The following DLG1 variants were observed in gnomAD, a reference collection of about 807,000 sequenced individuals.
DLG1 encodes the protein discs large MAGUK scaffold protein 1.
Under a neutral mutation model 123.4 loss-of-function variants are expected in DLG1, and 42 were observed. That is an observed-to-expected ratio of 0.34 (90% CI 0.27 to 0.44). The LOEUF (loss-of-function observed/expected upper bound fraction) is 0.44, where lower values mean the gene tolerates loss of function less well. DLG1 is among the 20% of genes least tolerant of loss of function. DLG1 has a pLI of 1.00. For missense variants in DLG1, 942 were observed against 1,082.6 expected (o/e 0.87, Z 1.82); for synonymous variants, 317 against 356.2 (o/e 0.89, Z 1.24).
Position 197,066,732 on chromosome 3 carries a change from T to C in DLG1, c.2070A>G (p.Leu690=), listed in dbSNP as rs762443579. The change falls in exon 20 of 25, where the codon TTA becomes TTG. Residue 690 remains leucine, a synonymous_variant. Coordinates refer to ENST00000667157, the MANE Select transcript of DLG1 (RefSeq NM_001366207.1). ...SSYRGQEEYV[L]SYEPVNQQEV... Reference sequence around the variant, plus strand: ...CTTGTTGATTCACTGGTTCATAAGATAAGACGTATTCTTCTTGACCACCTA... The same window carrying C: ...CTTGTTGATTCACTGGTTCATAAGACAAGACGTATTCTTCTTGACCACCTA... The C allele has an allele frequency of 2.1e-5, 33 of 1,605,258 alleles. No homozygotes were observed. The highest frequency in any genetic ancestry group is 5.5e-5 in the South Asian group (5 of 90,202).
chr3:197,061,878 C>T (rs1460598030), intron 22 of DLG1, among the ~76,000 whole-genome samples: 2 of 152,252 alleles, frequency 1.3e-5, no homozygotes, highest in Middle Eastern at 3.4e-3. Context: ...ACCTTTGTAA[C>T]TGATAAGTAT....
chr3:197,071,403 CTTTTTT>C (rs34629433), intron 18 of DLG1, among the ~76,000 whole-genome samples: 26 of 131,734 alleles, frequency 2.0e-4, no homozygotes, highest in African/African-American at 7.0e-4. Flanking sequence ...TCTTCACTGT[CTTTTTT>C]TTTTTTTTTT....
chr3:197,112,092 G>A (rs1298675292), intron 13 of DLG1, among the ~76,000 whole-genome samples: 8 of 152,150 alleles, frequency 5.3e-5, no homozygotes, highest in African/African-American at 1.2e-4. Context: ...CCATTTACAC[G>A]TCCACTAGTA....
In DLG1 at chr3:197,127,910, A is replaced by T. The variant is rs1780607921; in HGVS notation, c.1165+2617T>A. 4.4e-5 allele frequency among the ~76,000 whole-genome samples: 3 copies of T among 68,244 alleles called. No individual in the cohort carries two copies. The South Asian group carries it at 1.7e-3, about 38-fold the overall frequency. The allele number at this position is 68,244 out of a possible 152,430, so 44.8% of individuals were successfully genotyped here. A position where few individuals can be genotyped will look rare whatever the true frequency, so the allele number is the denominator to read the frequency against. ...ACAGGCCTTAATTTAAAAATACTTTATTGCTAAAAAAAAACCGCTAGCAAT... is the reference window on the plus strand; with the variant it reads ...ACAGGCCTTAATTTAAAAATACTTTTTTGCTAAAAAAAAACCGCTAGCAAT... On this transcript the variant is annotated intron_variant, in intron 11 of 24. Transcript: ENST00000667157.
intron 3 of DLG1, among the ~76,000 whole-genome samples, chr3:197,294,762 T>C (rs868480111): frequency 4.0e-5 from 6 of 151,074 alleles, no homozygotes; most frequent in South Asian, 2.1e-4. Context: ...AGGTCAAAAA[T>C]GTCTCTGAAC....
At position 197,130,578 on chromosome 3, in the gene DLG1, G is replaced by T. The variant is rs891630940; in HGVS notation, c.1114C>A (p.Pro372Thr). Residue 372 changes from proline to threonine, a missense_variant, in exon 11 of 25, where the codon CCC becomes ACC. Pro to Thr is a conservative substitution (Grantham distance 38). Transcript: ENST00000667157. The part of the protein sequence containing the change: ...SDFVYLKVAK[P>T]TSMYMNDGYA... ...CCATCATTCATATACATACTTGTGGGTTTTGCCACTTTCAAATAAACAAAA... is the reference window on the plus strand; with the variant it reads ...CCATCATTCATATACATACTTGTGGTTTTTGCCACTTTCAAATAAACAAAA... 14 of 1,612,776 alleles carry T rather than the reference G, an allele frequency of 8.7e-6. No individual in the cohort carries two copies. Among genetic ancestry groups the T allele is most frequent in the Non-Finnish European group, 1.1e-5 (13 of 1,179,576 alleles).
rs12497108 is a variant in DLG1, at chr3:197,130,307, C to T, written c.1165+220G>A. ...TTTGAAAATCCTTTAAATGTAACTA[C>T]TACTATAAAATAATAAAGGTGAAAA... On this transcript the variant is annotated intron_variant, in intron 11 of 24. Coordinates refer to ENST00000667157, the MANE Select transcript of DLG1 (RefSeq NM_001366207.1). 0.32 allele frequency among the ~76,000 whole-genome samples: 49,053 copies of T among 151,912 alleles called. 8,296 individuals carry two copies. The highest frequency in any genetic ancestry group is 0.43 in the South Asian group (2,058 of 4,820).
intron 14 of DLG1, among the ~76,000 whole-genome samples, chr3:197,093,289 GC>G (rs1184338676): frequency 1.3e-5 from 2 of 152,120 alleles, no homozygotes; most frequent in African/African-American, 4.8e-5. Flanking sequence ...CTCCCAAGGA[GC>G]TGGGACTATA....
chr3:197,158,683 T>C (rs1797525056), intron 5 of DLG1, among the ~76,000 whole-genome samples: 1 of 73,226 alleles, frequency 1.4e-5, no homozygotes, highest in African/African-American at 4.8e-5. Context: ...GATGCTCTGC[T>C]CTGGACATAC....
intron 4 of DLG1, among the ~76,000 whole-genome samples, chr3:197,216,494 C>A (rs888445057): frequency 2.0e-5 from 3 of 152,150 alleles, no homozygotes; most frequent in Non-Finnish European, 4.4e-5. Flanking sequence ...AGAATCCTCT[C>A]CCAATGGAGT....
At chr3:197,262,603 T>A (rs1407092304) in intron 4 of DLG1, among the ~76,000 whole-genome samples, 1 of 152,212 alleles carries the variant, frequency 6.6e-6, no homozygotes, top group East Asian at 1.9e-4. Context: ...GGCAGTCTTG[T>A]GGGGCTGAGC....
In DLG1 at chr3:197,254,748, A is replaced by G. The variant is rs145218157; in HGVS notation, c.318+27931T>C. Among the ~76,000 whole-genome samples the G allele has an allele frequency of 2.2e-4, 33 of 152,332 alleles. No individual in the cohort carries two copies. The East Asian group carries it at 6.4e-3, about 29-fold the overall frequency. Reference sequence around the variant, plus strand: ...GTTAAAAATACAATAAATGAAATTAAGAAATCTATGACCTATTCAAAGGCT... The same window carrying G: ...GTTAAAAATACAATAAATGAAATTAGGAAATCTATGACCTATTCAAAGGCT... On this transcript the variant is annotated intron_variant, in intron 4 of 24. Transcript: ENST00000667157.
At chr3:197,232,289 C>T (rs1468947795) in intron 4 of DLG1, among the ~76,000 whole-genome samples, 1 of 147,212 alleles carries the variant, frequency 6.8e-6, no homozygotes, top group Non-Finnish European at 1.5e-5. Context: ...CAACTGAGCA[C>T]AGGAGTTCTG....
intron 4 of DLG1, among the ~76,000 whole-genome samples, chr3:197,229,916 A>T (rs1742011812): frequency 6.6e-6 from 1 of 152,246 alleles, no homozygotes; most frequent in Non-Finnish European, 1.5e-5. Flanking sequence ...TAAATGAGAG[A>T]AACTCAAGGC....
At chr3:197,112,547 A>T (rs1320165264) in intron 13 of DLG1, among the ~76,000 whole-genome samples, 2 of 152,044 alleles carry the variant, frequency 1.3e-5, no homozygotes, top group East Asian at 3.8e-4. Context: ...GTATGTGCTG[A>T]GAATATTTTT....
At chr3:197,051,809 G>A (rs1727930988) in intron 23 of DLG1, 141 bp from the exon 24 acceptor site, 1 of 507,490 alleles carries the variant, frequency 2.0e-6, no homozygotes, top group Non-Finnish European at 3.4e-6. Context: ...TTAAAAACTT[G>A]AGTCATTCTG....
intron 11 of DLG1, among the ~76,000 whole-genome samples, chr3:197,123,037 TAAAAG>T (rs1292127084): frequency 6.6e-5 from 10 of 152,120 alleles, no homozygotes; most frequent in South Asian, 2.1e-4. Flanking sequence ...TGTGGTCACT[TAAAAG>T]AAAAGCACCA....
intron 4 of DLG1, among the ~76,000 whole-genome samples, chr3:197,262,672 A>G (rs912485973): frequency 6.6e-6 from 1 of 152,134 alleles, no homozygotes; most frequent in Non-Finnish European, 1.5e-5. Context: ...CCAAGTAGAC[A>G]CTGCCAGAAC....
At position 197,142,728 on chromosome 3, in the gene DLG1, G is replaced by A. The variant is rs1213491567; in HGVS notation, c.578C>T (p.Thr193Ile). ...TDADYEYEEITLERGNSGLGF... is the reference protein window; with the variant it reads ...TDADYEYEEIILERGNSGLGF... ...GATAATAGTTTTTACCCTTTCAAGT[G>A]TGATTTCTTCATATTCATAATCTGC... is the stretch of plus-strand genomic sequence containing the variant. The change falls in exon 7 of 25, where the codon ACA becomes ATA. Residue 193 changes from threonine (T) to isoleucine (I), a missense_variant. Physicochemically the swap from Thr to Ile is moderately conservative, Grantham distance 89. Coordinates refer to ENST00000667157, the MANE Select transcript of DLG1 (RefSeq NM_001366207.1). The A allele has an allele frequency of 4.4e-6, 7 of 1,606,998 alleles. No individual in the cohort carries two copies. Among genetic ancestry groups the A allele is most frequent in the South Asian group, 3.4e-5 (3 of 88,782 alleles).
Sources: allele counts gnomAD v4.1 joint callset (sites outside exome capture counted in the v4.1 genomes callset), GRCh38; gene constraint gnomAD v4.1.1; transcripts MANE v1.5; gene names NCBI Gene and HGNC (gene_info 2026-07-23, HGNC 2026-07-21).